The following HTR1E variants were observed in gnomAD, a reference collection of about 807,000 sequenced individuals.
HTR1E encodes 5-hydroxytryptamine receptor 1E.
A neutral mutation model predicts 3.4 loss-of-function variants in HTR1E; 3 were observed. The observed-to-expected ratio is 0.89, with a 90% CI of 0.41 to 2.31. The LOEUF (loss-of-function observed/expected upper bound fraction) is 2.31. Ranked by LOEUF, HTR1E falls within the 30% of genes most tolerant of loss-of-function variation. HTR1E has a pLI of 0.05. For synonymous variants in HTR1E, 170 were observed against 182.8 expected (o/e 0.93, Z 0.56); for missense variants, 392 against 467.0 (o/e 0.84, Z 1.48).
intron 1 of HTR1E, among the ~76,000 whole-genome samples, chr6:86,950,347 A>G (rs1186986709): frequency 1.3e-5 from 2 of 152,156 alleles, no homozygotes; most frequent in African/African-American, 4.8e-5. Context: ...CCTTTGTGTA[A>G]GGCCTTACAA....
intron 1 of HTR1E, among the ~76,000 whole-genome samples, chr6:86,941,647 T>C (rs1385777644): frequency 6.6e-6 from 1 of 152,238 alleles, no homozygotes; most frequent in Non-Finnish European, 1.5e-5. Context: ...GTAAGAGGAA[T>C]GAGCATCTCT....
intron 1 of HTR1E, among the ~76,000 whole-genome samples, chr6:86,984,968 A>G (rs534325044): frequency 5.3e-5 from 8 of 152,178 alleles, no homozygotes; most frequent in Admixed American, 5.2e-4. Flanking sequence ...GTCTACAACT[A>G]TTCATCACAA....
At chr6:86,994,129 T>C (rs1215527917) in intron 1 of HTR1E, among the ~76,000 whole-genome samples, 3 of 152,106 alleles carry the variant, frequency 2.0e-5, no homozygotes, top group Admixed American at 6.6e-5. Flanking sequence ...CAACAGAGTA[T>C]TGGGGACTTG....
At position 86,991,724 on chromosome 6, in the gene HTR1E, A is replaced by G. The variant is rs545980429; in HGVS notation, c.-185-23426A>G. Among the ~76,000 whole-genome samples the G allele has an allele frequency of 5.9e-5, 9 of 152,340 alleles. No homozygotes were observed. The South Asian group carries it at 1.9e-3, about 32-fold the overall frequency. On this transcript the variant is annotated intron_variant, in intron 1 of 1. Coordinates refer to ENST00000305344, the MANE Select transcript of HTR1E (RefSeq NM_000865.3). ...GTCTCAGAAGCAGAATATGTTCTAA[A>G]CAAAGAGTTAAGGAAGGTAAAAGCT... is the stretch of plus-strand genomic sequence containing the variant.
intron 1 of HTR1E, among the ~76,000 whole-genome samples, chr6:86,964,147 A>T (rs910441485): frequency 3.3e-5 from 5 of 152,228 alleles, no homozygotes; most frequent in Admixed American, 6.5e-5. Context: ...CCAGTCTTCT[A>T]GTTTGAAAAA....
chr6:86,964,548 C>G (rs75861675), intron 1 of HTR1E, among the ~76,000 whole-genome samples: 8,415 of 152,162 alleles, frequency 0.055, 310 homozygotes, highest in East Asian at 0.12. Context: ...TCTTTCTCTG[C>G]CTTTATATTT....
In HTR1E at chr6:87,016,134, C is replaced by G. The variant is rs139041540; in HGVS notation, c.800C>G (p.Pro267Arg). ...EKFHASIRIP[P>R]FDNDLDHPGE... The stretch of plus-strand genomic sequence containing the variant: ...TTCCATGCCTCCATCAGGATCCCCC[C>G]CTTCGACAATGATCTAGATCACCCA... Residue 267 changes from proline to arginine, a missense_variant, in exon 2 of 2, where the codon CCC (proline) becomes CGC (arginine). Physicochemically the swap from Pro to Arg is moderately radical, Grantham distance 103. This residue lies in a region of HTR1E where 178 missense variants were observed against 164.9 expected (regional missense o/e 1.08). Coordinates refer to ENST00000305344, the MANE Select transcript of HTR1E (RefSeq NM_000865.3). 283 of 1,614,186 alleles carry G rather than the reference C, an allele frequency of 1.8e-4. No individual in the cohort carries two copies. Among genetic ancestry groups the G allele is most frequent in the East Asian group, 6.9e-4 (31 of 44,884 alleles).
intron 1 of HTR1E, among the ~76,000 whole-genome samples, chr6:87,009,391 T>G (rs1013334973): frequency 3.9e-5 from 6 of 151,980 alleles, no homozygotes; most frequent in African/African-American, 1.5e-4. Context: ...AGGTCACAGA[T>G]CAACAGGATC....
chr6:87,015,953 C>G lies in HTR1E; in HGVS notation c.619C>G (p.His207Asp), dbSNP rs1286143270. 1.2e-6 allele frequency: 2 copies of G among 1,614,102 alleles called. No homozygotes were observed. The highest frequency in any genetic ancestry group is 8.5e-7 in the Non-Finnish European group (1 of 1,180,002). ...ACTGATTCTCTATTACCGGATTTAC[C>G]ACGCGGCCAAGAGCCTTTACCAGAA... The part of the protein sequence containing the change: ...LILILYYRIY[H>D]AAKSLYQKRG... The change falls in exon 2 of 2, where the codon CAC becomes GAC. Residue 207 changes from histidine (H) to aspartate (D), a missense_variant. Physicochemically the swap from His to Asp is moderately conservative, Grantham distance 81. Around this residue, in one of 3 missense-constraint regions of HTR1E, gnomAD observed 178 missense variants for 164.9 expected, o/e 1.08. Transcript: ENST00000305344.
Position 86,954,586 on chromosome 6 carries a change from G to C in HTR1E, c.-186+16763G>C, listed in dbSNP as rs567697845. ...GTTACTGTGAGGCCCCTCTGCAGAA[G>C]AGAGCGGTGTGGGACCCTTCTCAGA... On this transcript the variant is annotated intron_variant, in intron 1 of 1. Transcript: ENST00000305344. Among the ~76,000 whole-genome samples the C allele has an allele frequency of 5.9e-5, 9 of 152,288 alleles. No homozygotes were observed. The South Asian group carries it at 1.0e-3, about 18-fold the overall frequency.
intron 1 of HTR1E, among the ~76,000 whole-genome samples, chr6:86,988,999 G>C (rs972277058): frequency 6.6e-6 from 1 of 152,162 alleles, no homozygotes; most frequent in African/African-American, 2.4e-5. Flanking sequence ...TGCCATATAA[G>C]TGTGATGAAT....
At position 86,953,642 on chromosome 6, in the gene HTR1E, T is replaced by C. The variant is rs1767279010; in HGVS notation, c.-186+15819T>C. Among the ~76,000 whole-genome samples the C allele has an allele frequency of 2.0e-5, 3 of 152,216 alleles. No individual in the cohort carries two copies. In the South Asian group the frequency reaches 6.2e-4, roughly 32 times the overall value. On this transcript the variant is annotated intron_variant, in intron 1 of 1. Transcript: ENST00000305344. ...CTCAAAACTCACATGATTCCATTTCTGTCACATTCTATTAGTCAAAATAAT... is the reference window on the plus strand; with the variant it reads ...CTCAAAACTCACATGATTCCATTTCCGTCACATTCTATTAGTCAAAATAAT...
At chr6:86,952,414 T>G (rs1767257486) in intron 1 of HTR1E, among the ~76,000 whole-genome samples, 1 of 152,082 alleles carries the variant, frequency 6.6e-6, no homozygotes, top group Admixed American at 6.6e-5. Context: ...GGGAACAGTA[T>G]GCAGAAAAAG....
At chr6:86,938,727 G>A (rs1768505453) in intron 1 of HTR1E, among the ~76,000 whole-genome samples, 1 of 152,140 alleles carries the variant, frequency 6.6e-6, no homozygotes, top group Admixed American at 6.5e-5. Context: ...CTTGGGGAGG[G>A]AGCAGCCCAG....
chr6:86,986,182 G>A (rs1386564690), intron 1 of HTR1E, among the ~76,000 whole-genome samples: 1 of 152,136 alleles, frequency 6.6e-6, no homozygotes, highest in Non-Finnish European at 1.5e-5. Flanking sequence ...ACATTTTACA[G>A]AACAAATTCT....
chr6:86,947,003 C>A (rs749889631), intron 1 of HTR1E, among the ~76,000 whole-genome samples: 1 of 151,998 alleles, frequency 6.6e-6, no homozygotes, highest in Non-Finnish European at 1.5e-5. Flanking sequence ...GTAATCCCAG[C>A]TACTCAGGAA....
rs1182899288 is a variant in HTR1E, at chr6:87,015,487, G to A, written c.153G>A (p.Lys51=). 1 of 1,614,080 alleles carries A rather than the reference G, an allele frequency of 6.2e-7. No individual in the cohort carries two copies. The highest frequency in any genetic ancestry group is 1.7e-5 in the Admixed American group (1 of 60,016). The change falls in exon 2 of 2, where the codon AAG becomes AAA. Residue 51 remains lysine, a synonymous_variant. Transcript: ENST00000305344. ...LAVIMAIGTT[K]KLHQPANYLI... ...TGATCATGGCTATTGGCACCACCAA[G>A]AAGCTCCACCAGCCTGCCAACTACC...
At chr6:86,970,571 C>G in intron 1 of HTR1E, 1 of 167,718 alleles carries the variant, frequency 6.0e-6, no homozygotes, top group South Asian at 1.5e-4. Context: ...CCAAAAGGTG[C>G]TTGTAAAGGC....
At chr6:86,971,846 C>T (rs28673274) in intron 1 of HTR1E, among the ~76,000 whole-genome samples, 31,905 of 152,022 alleles carry the variant, frequency 0.21, 3,872 homozygotes, top group African/African-American at 0.32. Context: ...GTGTCTATTA[C>T]TTCCATCTTT....
Sources: allele counts gnomAD v4.1 joint callset (sites outside exome capture counted in the v4.1 genomes callset), GRCh38; gene constraint gnomAD v4.1.1; regional missense constraint gnomAD v4.1.1; transcripts MANE v1.5; gene names NCBI Gene and HGNC (gene_info 2026-07-23, HGNC 2026-07-21).